The following VEZT variants were observed in gnomAD, a reference collection of about 807,000 sequenced individuals.
VEZT encodes the protein vezatin, adherens junctions transmembrane protein.
Under a neutral mutation model 79.9 loss-of-function variants are expected in VEZT, and 39 were observed. The ratio of observed to expected loss-of-function variants is 0.49; its 90% CI spans 0.38 to 0.64. The LOEUF (loss-of-function observed/expected upper bound fraction) is 0.64, where lower values mean the gene tolerates loss of function less well. Among genes scored for constraint, VEZT ranks in the 30% least tolerant of loss-of-function variants. The pLI, the probability that VEZT is intolerant of heterozygous loss-of-function variation, is 0.00. For missense variants in VEZT, 837 were observed against 893.1 expected (o/e 0.94, Z 0.80); for synonymous variants, 325 against 327.6 (o/e 0.99, Z 0.09).
chr12:95,224,097 C>T (rs971727274), intron 1 of VEZT: 13 of 441,834 alleles, frequency 2.9e-5, no homozygotes, highest in Non-Finnish European at 4.6e-5. Flanking sequence ...TATTTTTCTC[C>T]CTGTGTCCCT....
At chr12:95,250,538 G>A (rs1439255200) in intron 1 of VEZT, among the ~76,000 whole-genome samples, 1 of 151,760 alleles carries the variant, frequency 6.6e-6, no homozygotes, top group Non-Finnish European at 1.5e-5. Context: ...CCTGACCTCA[G>A]ATGATCTGCC....
At chr12:95,257,409 T>C (rs2063639369) in intron 3 of VEZT, among the ~76,000 whole-genome samples, 170 bp downstream of exon 3, 1 of 152,062 alleles carries the variant, frequency 6.6e-6, no homozygotes. Flanking sequence ...GTTTATAGCT[T>C]TTAAAGAGGT....
At chr12:95,274,497 C>T (rs1436312702) in intron 6 of VEZT, among the ~76,000 whole-genome samples, 2 of 152,030 alleles carry the variant, frequency 1.3e-5, no homozygotes, top group Admixed American at 6.6e-5. Context: ...ATCACTTTAA[C>T]CCTTTTGAAG....
At position 95,282,527 on chromosome 12, in the gene VEZT, C is replaced by T; in HGVS notation, c.1211C>T (p.Thr404Ile). ...RSYEFYRYFE[T>I]QHQSVPQCLS... ...TATGAGTTCTATCGGTACTTTGAAA[C>T]TCAGCACCAGTCAGTACCGCAGTGT... Residue 404 changes from threonine (T) to isoleucine (I), a missense_variant, in exon 8 of 12, where the codon ACT (threonine) becomes ATT (isoleucine). By Grantham distance (89) the Thr-to-Ile change is moderately conservative. Transcript: ENST00000436874. The T allele has an allele frequency of 6.2e-7, 1 of 1,614,020 alleles. No individual in the cohort carries two copies. The highest frequency in any genetic ancestry group is 8.5e-7 in the Non-Finnish European group (1 of 1,179,892).
intron 1 of VEZT, among the ~76,000 whole-genome samples, chr12:95,243,651 C>T (rs186790303): frequency 6.6e-6 from 1 of 152,284 alleles, no homozygotes; most frequent in African/African-American, 2.4e-5. Context: ...TTGTCCCTGC[C>T]AAAACTCATG....
At position 95,282,559 on chromosome 12, in the gene VEZT, A is replaced by G; in HGVS notation, c.1243A>G (p.Lys415Glu). Residue 415 changes from lysine (K) to glutamate (E), a missense_variant, in exon 8 of 12, where the codon AAA (lysine) becomes GAA (glutamate). By Grantham distance (56) the Lys-to-Glu change is moderately conservative. Transcript: ENST00000436874. ...QHQSVPQCLS[K>E]TQQKSRELNN... ...CCAGTCAGTACCGCAGTGTTTATCC[A>G]AAACTCAACAGAAGTCAAGAGAACT... 6.2e-7 allele frequency: 1 copy of G among 1,614,056 alleles called. No individual in the cohort carries two copies. Among genetic ancestry groups the G allele is most frequent in the Non-Finnish European group, 8.5e-7 (1 of 1,179,892 alleles).
intron 1 of VEZT, among the ~76,000 whole-genome samples, chr12:95,229,237 C>T (rs973968416): frequency 1.3e-5 from 2 of 152,068 alleles, no homozygotes; most frequent in African/African-American, 4.8e-5. Flanking sequence ...GTAGGTAGTT[C>T]TCTCTTTTAT....
At chr12:95,223,501 A>G (rs1196187066) in intron 1 of VEZT, among the ~76,000 whole-genome samples, 1 of 152,108 alleles carries the variant, frequency 6.6e-6, no homozygotes, top group Admixed American at 6.5e-5. Flanking sequence ...CCCAGGCTGG[A>G]GTGCAATGGC....
At chr12:95,269,098 G>A (rs751167721) in intron 5 of VEZT, among the ~76,000 whole-genome samples, 3 of 152,072 alleles carry the variant, frequency 2.0e-5, no homozygotes, top group African/African-American at 4.8e-5. Flanking sequence ...AAAGTTTTGA[G>A]TTAGGTGTGT....
intron 1 of VEZT, among the ~76,000 whole-genome samples, chr12:95,221,956 G>T (rs1490430996): frequency 6.6e-6 from 1 of 152,164 alleles, no homozygotes; most frequent in Non-Finnish European, 1.5e-5. Flanking sequence ...ATCTAGAGAT[G>T]ATTTAAAATA....
intron 1 of VEZT, among the ~76,000 whole-genome samples, chr12:95,243,361 C>CAAA (rs34891631): frequency 1.4e-5 from 1 of 73,230 alleles, no homozygotes; most frequent in Admixed American, 1.4e-4. Context: ...GACACCATCT[C>CAAA]AAAAAAAAAA....
intron 11 of VEZT, among the ~76,000 whole-genome samples, chr12:95,297,937 T>C (rs1219823637): frequency 2.0e-5 from 3 of 152,038 alleles, no homozygotes; most frequent in East Asian, 1.9e-4. Context: ...CTGGCCAACA[T>C]GGCGAAACCC....
intron 1 of VEZT, among the ~76,000 whole-genome samples, chr12:95,240,683 TC>T (rs1227065989): frequency 6.6e-6 from 1 of 152,194 alleles, no homozygotes; most frequent in African/African-American, 2.4e-5. Flanking sequence ...GTAACTCATT[TC>T]ACTCTTAGAA....
intron 9 of VEZT, chr12:95,293,719 G>A (rs989996503): frequency 2.6e-5 from 4 of 154,718 alleles, no homozygotes; most frequent in African/African-American, 9.6e-5. Flanking sequence ...CAGATACTGT[G>A]AAGAGGTGAA....
chr12:95,282,312 G>T lies in VEZT; in HGVS notation c.997-1G>T. The T allele has an allele frequency of 1.9e-6, 3 of 1,578,342 alleles. No individual in the cohort carries two copies. Among genetic ancestry groups the T allele is most frequent in the South Asian group, 1.2e-5 (1 of 84,948 alleles). On this transcript the variant is annotated splice_acceptor_variant, in intron 7 of 11. Coordinates refer to ENST00000436874, the MANE Select transcript of VEZT (RefSeq NM_017599.4). LOFTEE classifies it high-confidence loss of function. ...TAGTTCTTTTTTCTTTTTTCTTTAA[G>T]GTTTTGTTCCAACTCTGGGTGGCAC...
intron 1 of VEZT, among the ~76,000 whole-genome samples, chr12:95,246,883 A>G (rs1299736917): frequency 6.6e-6 from 1 of 152,246 alleles, no homozygotes; most frequent in Admixed American, 6.5e-5. Flanking sequence ...AGGAAAAGTC[A>G]TAATAGAGAC....
intron 1 of VEZT, among the ~76,000 whole-genome samples, chr12:95,239,971 A>AGAGAGAGAGAGAG (rs2060701385): frequency 7.0e-6 from 1 of 143,822 alleles, no homozygotes; most frequent in Non-Finnish European, 1.5e-5. Flanking sequence ...AGAGAGAGAG[A>AGAGAGAGAGAGAG]GAGAGAGAGA....
chr12:95,294,146 C>T (rs917377361), intron 9 of VEZT, 126 bp from the exon 10 acceptor site: 5 of 675,986 alleles, frequency 7.4e-6, no homozygotes, highest in South Asian at 3.7e-5. Context: ...CTCAGCCTCC[C>T]GAAGTGCTGG....
chr12:95,272,162 C>T (rs2066741827), intron 6 of VEZT, among the ~76,000 whole-genome samples: 1 of 151,984 alleles, frequency 6.6e-6, no homozygotes, highest in Admixed American at 6.6e-5. Context: ...GAGTGAGAGC[C>T]TGTCTCAAAT....
Sources: gnomAD v4.1 joint callset for allele counts (sites outside exome capture counted in the v4.1 genomes callset) on GRCh38, gnomAD v4.1.1 for gene constraint, MANE v1.5 for transcripts, NCBI Gene and HGNC (gene_info 2026-07-23, HGNC 2026-07-21) for gene names.